Variants in TNS2 observed in about 807,000 individuals in gnomAD.
TNS2 encodes tensin-2.
A neutral mutation model predicts 155.7 loss-of-function variants in TNS2; 77 were observed. The ratio of observed to expected loss-of-function variants is 0.49; its 90% confidence interval spans 0.41 to 0.60. The LOEUF is 0.60. Among genes scored for constraint, TNS2 ranks in the 20% least tolerant of loss-of-function variants. TNS2 has a pLI of 0.00. For missense variants in TNS2, 1,703 were observed against 1,868.8 expected, an observed-to-expected ratio of 0.91 and a Z score of 1.64; for synonymous variants, 726 against 763.9, an observed-to-expected ratio of 0.95 and a Z score of 0.82.
rs773592524 is a variant in TNS2 at position 53,062,419 on chromosome 12, C to T, written c.3711C>T (p.Ile1237=). Residue 1237 remains isoleucine (I), a synonymous_variant, in exon 24 of 29, where the codon ATC becomes ATT. Coordinates refer to ENST00000314250, the MANE Select transcript of TNS2 (RefSeq NM_170754.4). The part of the protein sequence containing the change: ...ALVSQHSISP[I]SLPCCLRIPS... ...TCTCCCAGCACTCCATCTCCCCCATCTCCCTGCCCTGCTGCCTGCGCATTC... is the reference window on the plus strand; with the variant it reads ...TCTCCCAGCACTCCATCTCCCCCATTTCCCTGCCCTGCTGCCTGCGCATTC... 6.2e-6 allele frequency: 10 copies of T among 1,614,034 alleles called. 1 individual carries two copies. The South Asian group carries it at 8.8e-5, about 14-fold the overall frequency.
At position 53,062,608 on chromosome 12, in the gene TNS2, C is replaced by G; in HGVS notation, c.3746-12C>G. 1 of 1,613,744 alleles carries G rather than the reference C, an allele frequency of 6.2e-7. No homozygotes were observed. ...CCTTCTGAGCTTCCCTGTCGGTTCT[C>G]ATTGCCCTCAGATCCTCTGGAAGAG... On this transcript the variant is annotated splice_polypyrimidine_tract_variant and intron_variant, in intron 24 of 28. Transcript: ENST00000314250.
At chr12:53,049,377 T>A (rs1404560063), upstream of TNS2, 11 of 741,332 alleles carry the variant, frequency 1.5e-5, no homozygotes, top group Admixed American at 1.8e-4. Flanking sequence ...AGGGAATGGG[T>A]GAGTGGGGGG....
rs71095973 is a variant in TNS2, at chr12:53,054,839, A to ATT, written c.523-321_523-320dup. Among the ~76,000 whole-genome samples, 156 of 94,254 alleles carry ATT rather than the reference A, an allele frequency of 1.7e-3. 4 individuals carry two copies. The highest frequency in any genetic ancestry group is 4.9e-3 in the African/African-American group (106 of 21,524). The allele number at this position is 94,254 out of a possible 152,430, so 61.8% of individuals were successfully genotyped here. A position where few individuals can be genotyped will look rare whatever the true frequency, so the allele number is the denominator to read the frequency against. ...GGCGTGCGTCACTCACGCCCAGCCA[A>ATT]TTTTTTTTTTTTTTTTTTTTTTTTT... is the stretch of plus-strand genomic sequence containing the variant. On this transcript the variant is annotated intron_variant, in intron 7 of 28. Transcript: ENST00000314250.
At chr12:53,057,246 C>T in intron 11 of TNS2, 150 bp downstream of exon 11, 2 of 844,922 alleles carry the variant, frequency 2.4e-6, no homozygotes, top group East Asian at 5.3e-5. Context: ...AGCCCCTGCT[C>T]TCATGGAGCT....
Position 53,050,998 on chromosome 12 carries a change from C to T in TNS2, c.75+738C>T, listed in dbSNP as rs572233950. 6.6e-6 allele frequency among the ~76,000 whole-genome samples: 1 copy of T among 152,196 alleles called. No homozygotes were observed. Among genetic ancestry groups the T allele is most frequent in the Non-Finnish European group, 1.5e-5 (1 of 68,002 alleles). On this transcript the variant is annotated intron_variant, in intron 1 of 28. Transcript: ENST00000314250. The surrounding 1 kb of genome is among the most constrained non-coding windows in gnomAD (Gnocchi z 4.7). ...GAGATGGCAAGGAGACAAGCTGTCCCCAGACAGAGGATGGGAGGAGAGAAC... is the reference window on the plus strand; with the variant it reads ...GAGATGGCAAGGAGACAAGCTGTCCTCAGACAGAGGATGGGAGGAGAGAAC...
chr12:53,054,839 ATTTTTTTTTTTT>A (rs71095973), intron 7 of TNS2, among the ~76,000 whole-genome samples: 5 of 94,252 alleles, frequency 5.3e-5, no homozygotes, highest in African/African-American at 1.9e-4. Flanking sequence ...CGCCCAGCCA[ATTTTTTTTTTTT>A]TTTTTTTTTT....
upstream of TNS2, chr12:53,050,039 G>A (rs1943868469): frequency 6.8e-7 from 1 of 1,470,720 alleles, no homozygotes; most frequent in Admixed American, 2.5e-5. The surrounding 1 kb of genome is among the most constrained non-coding windows in gnomAD (Gnocchi z 4.7). Context: ...TCCACTTCCA[G>A]GGCCGGGCTT....
chr12:53,052,373 G>A, intron 2 of TNS2, 82 bp from the exon 3 acceptor site: 1 of 1,563,882 alleles, frequency 6.4e-7, no homozygotes, highest in Non-Finnish European at 8.8e-7. Context: ...CTGGTTCCAG[G>A]GTCTGGGAGA....
At chr12:53,049,182 C>T (rs779238313), upstream of TNS2, 1 of 1,593,078 alleles carries the variant, frequency 6.3e-7, no homozygotes, top group Admixed American at 1.8e-5. Context: ...GGGGGGACCT[C>T]CTGTCCAGTC....
Position 53,062,579 on chromosome 12 carries a change from T to G in TNS2, c.3746-41T>G, listed in dbSNP as rs1278564328. Reference sequence around the variant, plus strand: ...GGGAGTGCTCCAGCCTGGGGAACACTCTGCCTTCTGAGCTTCCCTGTCGGT... The same window carrying G: ...GGGAGTGCTCCAGCCTGGGGAACACGCTGCCTTCTGAGCTTCCCTGTCGGT... On this transcript the variant is annotated intron_variant, in intron 24 of 28. Coordinates refer to ENST00000314250, the MANE Select transcript of TNS2 (RefSeq NM_170754.4). 3 of 1,611,698 alleles carry G rather than the reference T, an allele frequency of 1.9e-6. No individual in the cohort carries two copies. The African/African-American group carries it at 4.0e-5, about 22-fold the overall frequency.
At chr12:53,048,750 C>T (rs1222152532), upstream of TNS2, among the ~76,000 whole-genome samples, 1 of 152,152 alleles carries the variant, frequency 6.6e-6, no homozygotes, top group Non-Finnish European at 1.5e-5. Context: ...GTCAGGTCCT[C>T]GCAAGGGTCT....
chr12:53,061,222 A>G lies in TNS2; in HGVS notation c.3316A>G (p.Thr1106Ala). 1 of 1,570,332 alleles carries G rather than the reference A, an allele frequency of 6.4e-7. No individual in the cohort carries two copies. The highest frequency in any genetic ancestry group is 1.2e-5 in the South Asian group (1 of 83,356). The change falls in exon 20 of 29, where the codon ACC (threonine) becomes GCC (alanine). Residue 1106 changes from threonine (T) to alanine (A), a missense_variant. Coordinates refer to ENST00000314250, the MANE Select transcript of TNS2 (RefSeq NM_170754.4). ...AGCCAGAGGCATCAGTCACCATGTC[A>G]CCTTCGCACCTCTGCTCTCAGATAA... ...SPARGISHHVTFAPLLSDNVP... is the reference protein window; with the variant it reads ...SPARGISHHVAFAPLLSDNVP...
In TNS2 at chr12:53,061,227, CG is replaced by C. The variant is rs1438204370; in HGVS notation, c.3322del (p.Ala1108HisfsTer47). 4 of 1,569,858 alleles carry C rather than the reference CG, an allele frequency of 2.5e-6. No individual in the cohort carries two copies. Among genetic ancestry groups the C allele is most frequent in the Non-Finnish European group, 3.5e-6 (4 of 1,157,664 alleles). On this transcript the variant is annotated frameshift_variant, in exon 20 of 29. Coordinates refer to ENST00000314250, the MANE Select transcript of TNS2 (RefSeq NM_170754.4). LOFTEE classifies it high-confidence loss of function. ...GAGGCATCAGTCACCATGTCACCTT[CG>C]CACCTCTGCTCTCAGATAATGTCCC... ...ARGISHHVTF[A>X]PLLSDNVPQT...
At chr12:53,062,993 A>G in intron 25 of TNS2, 96 bp from the exon 26 acceptor site, 1 of 1,439,092 alleles carries the variant, frequency 6.9e-7, no homozygotes, top group Non-Finnish European at 9.3e-7. Flanking sequence ...TGTGATTGTA[A>G]AGCATGTGAC....
At chr12:53,053,498 G>T in intron 4 of TNS2, 49 bp downstream of exon 4, 1 of 1,610,556 alleles carries the variant, frequency 6.2e-7, no homozygotes. Flanking sequence ...CCTGGCCATG[G>T]TGTCCAGAGG....
At chr12:53,055,133 G>A (rs940726054) in intron 7 of TNS2, 53 bp from the exon 8 acceptor site, 8 of 1,589,208 alleles carry the variant, frequency 5.0e-6, no homozygotes, top group African/African-American at 2.7e-5. Context: ...CCTCCACCTC[G>A]TGCCTCATTG....
intron 10 of TNS2, 188 bp downstream of exon 10, chr12:53,056,033 T>C: frequency 1.6e-6 from 1 of 621,092 alleles, no homozygotes; most frequent in South Asian, 2.0e-5. Flanking sequence ...TAGAGTTTCC[T>C]GGGGCAGCCA....
intron 11 of TNS2, 58 bp from the exon 12 acceptor site, chr12:53,057,509 A>G: frequency 7.8e-7 from 1 of 1,285,258 alleles, no homozygotes; most frequent in Admixed American, 1.8e-5. Flanking sequence ...GGTTGAAATG[A>G]TACAAGGTGA....
chr12:53,059,150 A>G lies in TNS2; in HGVS notation c.1509A>G (p.Pro503=). ...CGGCACCCTCTCCAGAGCCTCCACC[A>G]CCCCCCATGCTCTCTGTCAGCAGCG... is the stretch of plus-strand genomic sequence containing the variant. ...TPPAPSPEPP[P]PPMLSVSSDS... Residue 503 remains proline, a synonymous_variant, in exon 18 of 29, where the codon CCA becomes CCG. Coordinates refer to ENST00000314250, the MANE Select transcript of TNS2 (RefSeq NM_170754.4). The surrounding 1 kb of genome is among the most constrained non-coding windows in gnomAD (Gnocchi z 4.7). The G allele has an allele frequency of 6.3e-7, 1 of 1,575,920 alleles. No homozygotes were observed. Among genetic ancestry groups the G allele is most frequent in the Non-Finnish European group, 8.6e-7 (1 of 1,166,122 alleles).
Sources: allele counts gnomAD v4.1 joint callset (sites outside exome capture counted in the v4.1 genomes callset), GRCh38; gene constraint gnomAD v4.1.1; non-coding constraint Gnocchi (gnomAD v3.1); transcripts MANE v1.5; gene names NCBI Gene and HGNC (gene_info 2026-07-23, HGNC 2026-07-21).